The following TP63 variants were observed in gnomAD, a reference collection of about 807,000 sequenced individuals.
TP63 encodes the protein tumor protein 63.
TP63 carries 17 observed loss-of-function variants against 82.8 expected under a neutral mutation model. That is an observed-to-expected ratio of 0.21 (90% CI 0.14 to 0.31). The LOEUF is 0.31. TP63 is among the 10% of genes least tolerant of loss of function. TP63 has a pLI of 1.00. For synonymous variants in TP63, 330 were observed against 321.7 expected, an observed-to-expected ratio of 1.03 and a Z score of -0.28; for missense variants, 648 against 895.3, an observed-to-expected ratio of 0.72 and a Z score of 3.52.
At chr3:189,811,805 C>G (rs778055677) in intron 4 of TP63, among the ~76,000 whole-genome samples, 2 of 152,178 alleles carry the variant, frequency 1.3e-5, no homozygotes, top group Admixed American at 6.5e-5. Context: ...TCAAGTCTCT[C>G]CACCATCCTA....
chr3:189,819,477 A>T (rs1044008550), intron 4 of TP63, among the ~76,000 whole-genome samples: 2 of 151,512 alleles, frequency 1.3e-5, no homozygotes, highest in Non-Finnish European at 2.9e-5. Flanking sequence ...CCAGTGTGTG[A>T]TGTTCCCCTT....
chr3:189,611,617 T>A, the TP63 span, among the ~76,000 whole-genome samples: 12 of 152,214 alleles, frequency 7.9e-5, no homozygotes, highest in Non-Finnish European at 5.9e-5. Context: ...CTTAGCTATT[T>A]GGGCTCTTGT....
At chr3:189,608,258 G>C in the TP63 span, among the ~76,000 whole-genome samples, 1 of 152,084 alleles carries the variant, frequency 6.6e-6, no homozygotes, top group East Asian at 1.9e-4. Context: ...TATAACATCA[G>C]ACTGAGTAAA....
chr3:189,746,465 A>G (rs1269550791), intron 3 of TP63, among the ~76,000 whole-genome samples: 1 of 152,106 alleles, frequency 6.6e-6, no homozygotes, highest in African/African-American at 2.4e-5. Context: ...AAGAAAACAC[A>G]TAAAAATATA....
the TP63 span, among the ~76,000 whole-genome samples, chr3:189,623,488 A>G: frequency 6.6e-6 from 1 of 152,224 alleles, no homozygotes; most frequent in Non-Finnish European, 1.5e-5. Flanking sequence ...TGCCATAGTT[A>G]TCCTTTTGTC....
At chr3:189,796,793 T>C (rs952114098) in intron 3 of TP63, among the ~76,000 whole-genome samples, 14 of 152,096 alleles carry the variant, frequency 9.2e-5, no homozygotes, top group Non-Finnish European at 1.3e-4. Flanking sequence ...AAAACTATTC[T>C]TTTCCATTTT....
intron 4 of TP63, among the ~76,000 whole-genome samples, chr3:189,834,176 A>G (rs970928537): frequency 6.6e-6 from 1 of 152,140 alleles, no homozygotes; most frequent in Non-Finnish European, 1.5e-5. Context: ...CATGGCCTGC[A>G]GCGCTTATGT....
intron 4 of TP63, among the ~76,000 whole-genome samples, chr3:189,834,146 A>G (rs1334472116): frequency 1.3e-5 from 2 of 152,194 alleles, no homozygotes; most frequent in Non-Finnish European, 2.9e-5. Flanking sequence ...TGGAGAGCTC[A>G]GTTGAGACTT....
At chr3:189,768,037 A>T (rs984194082) in intron 3 of TP63, among the ~76,000 whole-genome samples, 1 of 152,142 alleles carries the variant, frequency 6.6e-6, no homozygotes, top group African/African-American at 2.4e-5. Context: ...ATGAAGTAGC[A>T]TTTTATTGTT....
intron 1 of TP63, among the ~76,000 whole-genome samples, chr3:189,692,043 C>G (rs1208124479): frequency 6.6e-6 from 1 of 152,142 alleles, no homozygotes; most frequent in African/African-American, 2.4e-5. Context: ...TTGTCATCTT[C>G]GGAAGCACCT....
rs868492215 is a variant in TP63 at position 189,703,676 on chromosome 3, A to C, written c.63-34064A>C. ...TATACTAATACAGAGAAAAGCCAGA[A>C]AGTGCACTAACACCCCATATTTTGG... On this transcript the variant is annotated intron_variant, in intron 1 of 13. Coordinates refer to ENST00000264731, the MANE Select transcript of TP63 (RefSeq NM_003722.5). Among the ~76,000 whole-genome samples, 3 of 152,322 alleles carry C rather than the reference A, an allele frequency of 2.0e-5. No homozygotes were observed. The South Asian group carries it at 6.2e-4, about 32-fold the overall frequency.
At chr3:189,815,441 A>G (rs185267625) in intron 4 of TP63, among the ~76,000 whole-genome samples, 85 of 152,306 alleles carry the variant, frequency 5.6e-4, no homozygotes, top group African/African-American at 1.9e-3. Context: ...ATCTACAAGG[A>G]CATCTGCTTT....
chr3:189,791,264 T>A (rs1311726286), intron 3 of TP63, among the ~76,000 whole-genome samples: 2 of 152,128 alleles, frequency 1.3e-5, no homozygotes, highest in Non-Finnish European at 2.9e-5. Context: ...CCGCCTAGGA[T>A]CTTGTAAGTC....
At position 189,810,455 on chromosome 3, in the gene TP63, G is replaced by A. The variant is rs557741607; in HGVS notation, c.579+1929G>A. Among the ~76,000 whole-genome samples the A allele has an allele frequency of 1.3e-3, 196 of 152,226 alleles. 1 individual carries two copies. Among genetic ancestry groups the A allele is most frequent in the African/African-American group, 4.5e-3 (186 of 41,530 alleles). On this transcript the variant is annotated intron_variant, in intron 4 of 13. Transcript: ENST00000264731. Reference sequence around the variant, plus strand: ...TATTAGGGCTGCTAAATGAATAATCGCTTTTTTTCCCTGTAAAATTTTTAG... The same window carrying A: ...TATTAGGGCTGCTAAATGAATAATCACTTTTTTTCCCTGTAAAATTTTTAG...
chr3:189,808,559 C>G (rs1410734990), intron 4 of TP63, 33 bp downstream of exon 4: 35 of 1,611,174 alleles, frequency 2.2e-5, no homozygotes, highest in Non-Finnish European at 2.9e-5. Context: ...TACCTGACCC[C>G]CCAAGTCCAA....
chr3:189,627,813 T>C (rs1419243219), upstream of TP63, among the ~76,000 whole-genome samples: 1 of 152,158 alleles, frequency 6.6e-6, no homozygotes, highest in Non-Finnish European at 1.5e-5. Flanking sequence ...CGATGAAGGC[T>C]ACTCGGTGTC....
chr3:189,730,433 A>AG (rs1720078536), intron 1 of TP63, among the ~76,000 whole-genome samples: 2 of 152,232 alleles, frequency 1.3e-5, no homozygotes, highest in Admixed American at 6.5e-5. Context: ...CATAGAAAAA[A>AG]GAAATATTCC....
chr3:189,792,605 G>A (rs905460990), intron 3 of TP63, among the ~76,000 whole-genome samples: 4 of 152,020 alleles, frequency 2.6e-5, no homozygotes, highest in Non-Finnish European at 4.4e-5. Flanking sequence ...GGAAATCAAG[G>A]TTCATATATG....
intron 11 of TP63, among the ~76,000 whole-genome samples, chr3:189,889,034 A>G (rs1318317048): frequency 6.6e-6 from 1 of 152,202 alleles, no homozygotes; most frequent in Non-Finnish European, 1.5e-5. Flanking sequence ...TCGAAGGCAA[A>G]TACAAGGAAG....
Sources: allele counts gnomAD v4.1 joint callset (sites outside exome capture counted in the v4.1 genomes callset), GRCh38; gene constraint gnomAD v4.1.1; transcripts MANE v1.5; gene names NCBI Gene and HGNC (gene_info 2026-07-23, HGNC 2026-07-21).